The following DENND1B variants were observed in gnomAD, a reference collection of about 807,000 sequenced individuals.
DENND1B encodes the protein DENN domain containing 1B, also known as DENN domain-containing protein 1B.
In DENND1B, 59 loss-of-function variants were observed where a neutral mutation model predicts 90.1. The ratio of observed to expected loss-of-function variants is 0.65; its 90% CI spans 0.53 to 0.81. The LOEUF (loss-of-function observed/expected upper bound fraction) is 0.81. Ranked by LOEUF, DENND1B falls within the 40% of genes least tolerant of loss-of-function variation. The probability of loss-of-function intolerance (pLI) is 0.00; values close to 1 mark genes in which losing one functional copy is unlikely to be tolerated. For synonymous variants in DENND1B, 337 were observed against 324.6 expected (o/e 1.04, Z -0.41); for missense variants, 862 against 912.6 (o/e 0.94, Z 0.71).
intron 2 of DENND1B, among the ~76,000 whole-genome samples, chr1:197,768,438 C>T (rs1300166255): frequency 6.6e-6 from 1 of 152,136 alleles, no homozygotes; most frequent in Admixed American, 6.6e-5. Context: ...TCTTAAGTCA[C>T]TTTGGGGAAG....
intron 11 of DENND1B, among the ~76,000 whole-genome samples, chr1:197,615,185 T>G (rs1360367871): frequency 6.6e-6 from 1 of 151,110 alleles, no homozygotes; most frequent in Non-Finnish European, 1.5e-5. Flanking sequence ...TATCTGTGAA[T>G]CTTGCAATGG....
chr1:197,781,153 C>A, the DENND1B span, among the ~76,000 whole-genome samples: 1 of 152,100 alleles, frequency 6.6e-6, no homozygotes, highest in Non-Finnish European at 1.5e-5. Flanking sequence ...AATAATAATA[C>A]TATTAATAAT....
chr1:197,778,696 AAG>A (rs1392481355), upstream of DENND1B, among the ~76,000 whole-genome samples: 3 of 152,156 alleles, frequency 2.0e-5, no homozygotes, highest in Middle Eastern at 3.4e-3. Context: ...AAAAAAAAAA[AAG>A]AGAGAAAAAT....
At chr1:197,688,460 C>T (rs1327549631) in intron 3 of DENND1B, among the ~76,000 whole-genome samples, 1 of 151,944 alleles carries the variant, frequency 6.6e-6, no homozygotes, top group Non-Finnish European at 1.5e-5. Flanking sequence ...ACGGTACTGG[C>T]AGAAAGACAG....
chr1:197,508,871 C>T lies in DENND1B; in HGVS notation c.*1589G>A, dbSNP rs937507424. On this transcript the variant is annotated 3_prime_UTR_variant, in exon 23 of 23. Transcript: ENST00000620048. ...ACATGATTCCTTCTCAGATGAATTC[C>T]AAAGCTCAACAGTGAATTTGAGAAA... 6.6e-6 allele frequency: 1 copy of T among 151,512 alleles called. No individual in the cohort carries two copies. The highest frequency in any genetic ancestry group is 1.5e-5 in the Non-Finnish European group (1 of 67,750). The allele number at this position is 151,512 out of a possible 1,614,324, so 9.4% of individuals were successfully genotyped here. A position where few individuals can be genotyped will look rare whatever the true frequency, so the allele number is the denominator to read the frequency against.
intron 13 of DENND1B, 31 bp from the exon 14 acceptor site, chr1:197,595,364 C>A: frequency 6.2e-7 from 1 of 1,607,686 alleles, no homozygotes; most frequent in Admixed American, 1.7e-5. Flanking sequence ...GTTAAATTAA[C>A]ACCTCAGAAA....
chr1:197,553,075 C>T lies in DENND1B; in HGVS notation c.1187G>A (p.Arg396Lys), dbSNP rs926352810. The change falls in exon 16 of 23, where the codon AGG (arginine) becomes AAG (lysine). Residue 396 changes from arginine (R) to lysine (K), a missense_variant. Transcript: ENST00000620048. ...DGRLAKLNAG[R>K]GFSDVFEEEI... Reference sequence around the variant, plus strand: ...TTCTTCAAATACATCAGAGAAACCCCTTCCTGCATTTAGTTTTGCCAGTCG... The same window carrying T: ...TTCTTCAAATACATCAGAGAAACCCTTTCCTGCATTTAGTTTTGCCAGTCG... 3.2e-6 allele frequency: 5 copies of T among 1,545,698 alleles called. No individual in the cohort carries two copies. Among genetic ancestry groups the T allele is most frequent in the African/African-American group, 1.4e-5 (1 of 70,680 alleles).
chr1:197,600,040 G>A (rs1470971586), intron 13 of DENND1B, among the ~76,000 whole-genome samples: 1 of 151,670 alleles, frequency 6.6e-6, no homozygotes, highest in Non-Finnish European at 1.5e-5. Context: ...CTTTATATAT[G>A]TTATCTCTCC....
chr1:197,765,532 A>T (rs989327021), intron 2 of DENND1B, among the ~76,000 whole-genome samples: 5 of 152,244 alleles, frequency 3.3e-5, no homozygotes, highest in African/African-American at 4.8e-5. Context: ...ATATTATCTG[A>T]GCCTAAGAAA....
chr1:197,507,458 A>G lies in DENND1B; in HGVS notation c.*3002T>C, dbSNP rs1291670394. 1 of 151,466 alleles carries G rather than the reference A, an allele frequency of 6.6e-6. No individual in the cohort carries two copies. Among genetic ancestry groups the G allele is most frequent in the Non-Finnish European group, 1.5e-5 (1 of 67,622 alleles). The allele number at this position is 151,466 out of a possible 1,614,324, so 9.4% of individuals were successfully genotyped here. A position where few individuals can be genotyped will look rare whatever the true frequency, so the allele number is the denominator to read the frequency against. On this transcript the variant is annotated 3_prime_UTR_variant, in exon 23 of 23. Transcript: ENST00000620048. ...TAGTAATATTTTCACTTAAAAAAAT[A>G]GCTCCTAAATTCCAATATTATTTCT...
chr1:197,512,436 A>G (rs879460598), intron 21 of DENND1B, among the ~76,000 whole-genome samples: 10 of 151,720 alleles, frequency 6.6e-5, no homozygotes, highest in Non-Finnish European at 1.0e-4. Flanking sequence ...TATTTCCCTT[A>G]TATTAAAATT....
At chr1:197,648,393 A>G (rs1680921925) in intron 7 of DENND1B, among the ~76,000 whole-genome samples, 1 of 152,146 alleles carries the variant, frequency 6.6e-6, no homozygotes, top group African/African-American at 2.4e-5. Flanking sequence ...AGAAATCTTT[A>G]ATTTATGGTT....
chr1:197,546,488 T>G (rs1015231355), intron 17 of DENND1B, among the ~76,000 whole-genome samples: 16 of 152,298 alleles, frequency 1.1e-4, no homozygotes, highest in South Asian at 2.1e-4. Flanking sequence ...AAACAACATT[T>G]GGCAGTAAAA....
intron 5 of DENND1B, among the ~76,000 whole-genome samples, chr1:197,665,243 G>C (rs1264678347): frequency 1.3e-5 from 2 of 151,996 alleles, no homozygotes; most frequent in Non-Finnish European, 2.9e-5. Flanking sequence ...TCTTGTAATG[G>C]CATAAATCCA....
At chr1:197,779,447 G>A (rs942691244), upstream of DENND1B, among the ~76,000 whole-genome samples, 6 of 151,898 alleles carry the variant, frequency 4.0e-5, no homozygotes, top group African/African-American at 1.5e-4. Context: ...CTCTGGATTG[G>A]TGACTTTCAT....
intron 15 of DENND1B, among the ~76,000 whole-genome samples, chr1:197,574,721 A>G (rs1178762748): frequency 1.3e-5 from 2 of 152,226 alleles, no homozygotes; most frequent in African/African-American, 4.8e-5. Context: ...CCAAAACAGC[A>G]TGGTACTGGT....
At position 197,523,894 on chromosome 1, in the gene DENND1B, A is replaced by C. The variant is rs139880118; in HGVS notation, c.1516-10941T>G. Among the ~76,000 whole-genome samples the C allele has an allele frequency of 1.1e-4, 16 of 152,258 alleles. No individual in the cohort carries two copies. In the East Asian group the frequency reaches 3.1e-3, roughly 29 times the overall value. On this transcript the variant is annotated intron_variant, in intron 20 of 22. Coordinates refer to ENST00000620048, the MANE Select transcript of DENND1B (RefSeq NM_001195215.2). ...TTATAAGACATGAAAAAGCAAGAAA[A>C]ATAAAGATGGACAACATGCATGAAT...
At chr1:197,665,408 A>C (rs1048947041) in intron 5 of DENND1B, among the ~76,000 whole-genome samples, 11 of 152,206 alleles carry the variant, frequency 7.2e-5, no homozygotes, top group African/African-American at 2.4e-4. Flanking sequence ...GTTCTAGCTT[A>C]GAACTCTAAG....
At chr1:197,728,324 T>C (rs1661838173) in intron 2 of DENND1B, among the ~76,000 whole-genome samples, 1 of 152,208 alleles carries the variant, frequency 6.6e-6, no homozygotes, top group African/African-American at 2.4e-5. Flanking sequence ...CAAATATTGT[T>C]TTAAACTGGA....
Sources: allele counts gnomAD v4.1 joint callset (sites outside exome capture counted in the v4.1 genomes callset), GRCh38; gene constraint gnomAD v4.1.1; transcripts MANE v1.5; gene names NCBI Gene and HGNC (gene_info 2026-07-23, HGNC 2026-07-21).